The following KPNA1 variants were observed in gnomAD, a reference collection of about 807,000 sequenced individuals.
KPNA1 encodes karyopherin subunit alpha 1.
A neutral mutation model predicts 70.5 loss-of-function variants in KPNA1; 10 were observed. That is an observed-to-expected ratio of 0.14 (90% CI 0.09 to 0.24). The LOEUF is 0.24. KPNA1 is among the 10% of genes least tolerant of loss of function. The pLI is 1.00. For missense variants in KPNA1, 397 were observed against 637.9 expected, an observed-to-expected ratio of 0.62 and a Z score of 4.07; for synonymous variants, 192 against 221.9, an observed-to-expected ratio of 0.87 and a Z score of 1.20.
At chr3:122,437,677 T>C (rs1441031964) in intron 10 of KPNA1, among the ~76,000 whole-genome samples, 1 of 152,160 alleles carries the variant, frequency 6.6e-6, no homozygotes, top group Admixed American at 6.5e-5. Flanking sequence ...TACTTGGTAG[T>C]CAATGAACGA....
chr3:122,463,547 C>A (rs1009337265), intron 4 of KPNA1, among the ~76,000 whole-genome samples: 5 of 151,468 alleles, frequency 3.3e-5, no homozygotes, highest in Admixed American at 6.6e-5. Context: ...TCACCCTGCC[C>A]ACCAGTAAAT....
At chr3:122,478,500 G>A (rs1440696417) in intron 2 of KPNA1, among the ~76,000 whole-genome samples, 3 of 97,402 alleles carry the variant, frequency 3.1e-5, no homozygotes, top group South Asian at 3.5e-4. Flanking sequence ...AGACTGAGGT[G>A]GGCAGGTCAG....
rs188156555 is a variant in KPNA1, at chr3:122,465,201, G to A, written c.238-1160C>T. 5.3e-5 allele frequency among the ~76,000 whole-genome samples: 8 copies of A among 152,272 alleles called. No individual in the cohort carries two copies. The East Asian group carries it at 9.6e-4, about 18-fold the overall frequency. On this transcript the variant is annotated intron_variant, in intron 3 of 13. Coordinates refer to ENST00000344337, the MANE Select transcript of KPNA1 (RefSeq NM_002264.4). ...ACCCAAAGATTTTGCATCCTCTTCC[G>A]CAGAAGGAGTTAGTAAAGATGTGCC...
At chr3:122,484,383 G>A (rs561871867) in intron 2 of KPNA1, among the ~76,000 whole-genome samples, 7 of 152,056 alleles carry the variant, frequency 4.6e-5, no homozygotes, top group East Asian at 3.8e-4. Flanking sequence ...AAACATGACC[G>A]GGCACAGTGG....
intron 2 of KPNA1, among the ~76,000 whole-genome samples, chr3:122,490,169 T>C (rs897545244): frequency 1.3e-5 from 2 of 152,264 alleles, no homozygotes; most frequent in Admixed American, 1.3e-4. Context: ...TTTTCAGGCT[T>C]CACTCAATAT....
chr3:122,499,610 A>G lies in KPNA1; in HGVS notation c.-5-3040T>C, dbSNP rs570352388. Among the ~76,000 whole-genome samples the G allele has an allele frequency of 3.9e-5, 6 of 152,200 alleles. No homozygotes were observed. The South Asian group carries it at 1.2e-3, about 32-fold the overall frequency. On this transcript the variant is annotated intron_variant, in intron 1 of 13. Coordinates refer to ENST00000344337, the MANE Select transcript of KPNA1 (RefSeq NM_002264.4). Reference sequence around the variant, plus strand: ...TCTACAAAAAATTTAAAAAATAAAAATCAGACAGGCTGGTGGTGTGCACCT... The same window carrying G: ...TCTACAAAAAATTTAAAAAATAAAAGTCAGACAGGCTGGTGGTGTGCACCT...
In KPNA1 at chr3:122,426,861, A is replaced by C; in HGVS notation, c.*124T>G. On this transcript the variant is annotated 3_prime_UTR_variant, in exon 14 of 14. Transcript: ENST00000344337. Reference sequence around the variant, plus strand: ...AGAGAGCAGGTGCGCAAGGCAAGCAAATGAGCGCAAACAGTATTATGGAAA... The same window carrying C: ...AGAGAGCAGGTGCGCAAGGCAAGCACATGAGCGCAAACAGTATTATGGAAA... 1 of 715,540 alleles carries C rather than the reference A, an allele frequency of 1.4e-6. No homozygotes were observed. The highest frequency in any genetic ancestry group is 2.3e-6 in the Non-Finnish European group (1 of 440,634). The allele number at this position is 715,540 out of a possible 1,614,324, so 44.3% of individuals were successfully genotyped here. A position where few individuals can be genotyped will look rare whatever the true frequency, so the allele number is the denominator to read the frequency against.
rs1392175675 is a variant in KPNA1, at chr3:122,426,282, A to T, written c.*703T>A. On this transcript the variant is annotated 3_prime_UTR_variant, in exon 14 of 14. Coordinates refer to ENST00000344337, the MANE Select transcript of KPNA1 (RefSeq NM_002264.4). ...TCTCCTTTCTGCTCTAAGGGAATCT[A>T]CAAACCAGTATCACATTTAGGAGTC... is the stretch of plus-strand genomic sequence containing the variant. The T allele has an allele frequency of 6.6e-6, 1 of 152,668 alleles. No individual in the cohort carries two copies. The highest frequency in any genetic ancestry group is 1.5e-5 in the Non-Finnish European group (1 of 68,038). The allele number at this position is 152,668 out of a possible 1,614,324, so 9.5% of individuals were successfully genotyped here. A position where few individuals can be genotyped will look rare whatever the true frequency, so the allele number is the denominator to read the frequency against.
At chr3:122,513,627 G>A (rs2076980577) in intron 1 of KPNA1, among the ~76,000 whole-genome samples, 1 of 151,056 alleles carries the variant, frequency 6.6e-6, no homozygotes, top group Admixed American at 6.6e-5. Context: ...AACAAAGCAA[G>A]ACTCCATCTC....
chr3:122,500,114 T>TTG (rs1559759673), intron 1 of KPNA1, among the ~76,000 whole-genome samples: 18 of 151,972 alleles, frequency 1.2e-4, no homozygotes, highest in East Asian at 3.9e-4. Context: ...CAACTGTTTT[T>TTG]TTGTTGTTGT....
chr3:122,477,234 G>A (rs1368586107), intron 2 of KPNA1, among the ~76,000 whole-genome samples: 1 of 152,210 alleles, frequency 6.6e-6, no homozygotes, highest in Non-Finnish European at 1.5e-5. Flanking sequence ...ACTCACAGAA[G>A]TAGAGAGTAT....
intron 11 of KPNA1, 149 bp from the exon 12 acceptor site, chr3:122,433,937 C>T (rs748488811): frequency 3.0e-6 from 2 of 673,676 alleles, no homozygotes; most frequent in Non-Finnish European, 4.7e-6. Context: ...TTATCTCTAA[C>T]CTTTTTTTTT....
intron 2 of KPNA1, among the ~76,000 whole-genome samples, chr3:122,472,647 G>C (rs2076455033): frequency 1.3e-5 from 2 of 152,080 alleles, no homozygotes; most frequent in East Asian, 3.8e-4. Context: ...ACCAAAAGCT[G>C]GTTCTTTGAA....
At chr3:122,508,019 G>A (rs2076910683) in intron 1 of KPNA1, among the ~76,000 whole-genome samples, 1 of 152,036 alleles carries the variant, frequency 6.6e-6, no homozygotes, top group East Asian at 1.9e-4. Context: ...ATCTTCAATA[G>A]GCACACAGTG....
rs934031656 is a variant in KPNA1, at chr3:122,467,488, C to T, written c.130-59G>A. ...TAAATTCTAACACAAGGGAGTTCAA[C>T]ATTCAAATACTAGGCACCCCATTCA... is the stretch of plus-strand genomic sequence containing the variant. On this transcript the variant is annotated intron_variant, in intron 2 of 13. Coordinates refer to ENST00000344337, the MANE Select transcript of KPNA1 (RefSeq NM_002264.4). 26 of 957,216 alleles carry T rather than the reference C, an allele frequency of 2.7e-5. No homozygotes were observed. The East Asian group carries it at 4.9e-4, about 18-fold the overall frequency. The allele number at this position is 957,216 out of a possible 1,614,324, so 59.3% of individuals were successfully genotyped here. A position where few individuals can be genotyped will look rare whatever the true frequency, so the allele number is the denominator to read the frequency against.
At chr3:122,468,634 G>A (rs188567195) in intron 2 of KPNA1, among the ~76,000 whole-genome samples, 18 of 152,172 alleles carry the variant, frequency 1.2e-4, no homozygotes, top group African/African-American at 4.1e-4. Context: ...ATTCAGCCAC[G>A]GCAGTGATGT....
intron 2 of KPNA1, among the ~76,000 whole-genome samples, chr3:122,469,537 A>G (rs1325624140): frequency 3.3e-5 from 5 of 152,240 alleles, no homozygotes; most frequent in Non-Finnish European, 7.3e-5. Context: ...TGGTCTGGCA[A>G]TAATTTCTAG....
At chr3:122,474,511 C>T (rs544984885) in intron 2 of KPNA1, among the ~76,000 whole-genome samples, 56 of 152,122 alleles carry the variant, frequency 3.7e-4, no homozygotes, top group African/African-American at 1.3e-3. Flanking sequence ...ATAGAGAGCC[C>T]AGAAATAGAC....
intron 5 of KPNA1, 114 bp from the exon 6 acceptor site, chr3:122,454,115 T>C: frequency 1.5e-6 from 1 of 681,980 alleles, no homozygotes; most frequent in South Asian, 2.2e-5. Flanking sequence ...TATTTGCACA[T>C]AACCTATCAG....
Sources: allele counts gnomAD v4.1 joint callset (sites outside exome capture counted in the v4.1 genomes callset), GRCh38; gene constraint gnomAD v4.1.1; transcripts MANE v1.5; gene names NCBI Gene and HGNC (gene_info 2026-07-23, HGNC 2026-07-21).